The following KCNH8 variants were observed in gnomAD, a reference collection of about 807,000 sequenced individuals.
The protein encoded by KCNH8 is voltage-gated delayed rectifier potassium channel KCNH8.
Under a neutral mutation model 103.6 loss-of-function variants are expected in KCNH8, and 70 were observed. That is an observed-to-expected ratio of 0.68 (90% CI 0.56 to 0.82). KCNH8 has a LOEUF of 0.82. KCNH8 is among the 40% of genes least tolerant of loss of function. KCNH8 has a pLI of 0.00. For missense variants in KCNH8, 1,217 were observed against 1,329.9 expected (o/e 0.92, Z 1.32); for synonymous variants, 498 against 489.4 (o/e 1.02, Z -0.23).
intron 15 of KCNH8, among the ~76,000 whole-genome samples, chr3:19,527,057 A>G (rs989323214): frequency 2.0e-5 from 3 of 151,926 alleles, no homozygotes; most frequent in African/African-American, 4.8e-5. Context: ...ATTTTGGCTC[A>G]CACATCCTTT....
intron 7 of KCNH8, among the ~76,000 whole-genome samples, chr3:19,418,320 A>G (rs532450850): frequency 1.3e-5 from 2 of 152,354 alleles, no homozygotes; most frequent in East Asian, 3.9e-4. Flanking sequence ...TGGATGAAGC[A>G]GGTCAGATAT....
chr3:19,290,984 G>T (rs2064913662), intron 3 of KCNH8, among the ~76,000 whole-genome samples: 1 of 152,180 alleles, frequency 6.6e-6, no homozygotes, highest in African/African-American at 2.4e-5. Context: ...GAGTGTATGT[G>T]TCGAGGAATT....
At chr3:19,529,794 T>C (rs556963474) in intron 15 of KCNH8, among the ~76,000 whole-genome samples, 56 of 152,278 alleles carry the variant, frequency 3.7e-4, no homozygotes, top group African/African-American at 1.3e-3. Flanking sequence ...AATTCCCTCA[T>C]GCAACTTTAA....
Position 19,220,969 on chromosome 3 carries a change from G to A in KCNH8, c.77-32685G>A, listed in dbSNP as rs929114019. On this transcript the variant is annotated intron_variant, in intron 1 of 15. Coordinates refer to ENST00000328405, the MANE Select transcript of KCNH8 (RefSeq NM_144633.3). ...CCTAGTGGGAGCTTTACCATGTGCC[G>A]CAATCATTTTTGTTTGTAAAATTTT... Among the ~76,000 whole-genome samples the A allele has an allele frequency of 5.2e-4, 79 of 152,170 alleles. 1 individual carries two copies. Among genetic ancestry groups the A allele is most frequent in the Admixed American group, 5.2e-4 (8 of 15,294 alleles).
At chr3:19,405,221 C>T (rs956736722) in intron 7 of KCNH8, among the ~76,000 whole-genome samples, 7 of 151,750 alleles carry the variant, frequency 4.6e-5, no homozygotes, top group South Asian at 4.1e-4. Flanking sequence ...ACAGGTTGCA[C>T]GTATTTCTTA....
In KCNH8 at chr3:19,277,860, C is replaced by T. The variant is rs377116921; in HGVS notation, c.311-3338C>T. Among the ~76,000 whole-genome samples the T allele has an allele frequency of 1.1e-4, 16 of 152,160 alleles. 2 individuals are homozygous for T. The highest frequency in any genetic ancestry group is 5.8e-4 in the East Asian group (3 of 5,174). Reference sequence around the variant, plus strand: ...GAGCCTCATCTGTGTTGACACTCTCCAACCCACATGGTAATTACTGCTGCT... The same window carrying T: ...GAGCCTCATCTGTGTTGACACTCTCTAACCCACATGGTAATTACTGCTGCT... On this transcript the variant is annotated intron_variant, in intron 2 of 15. Transcript: ENST00000328405.
intron 7 of KCNH8, among the ~76,000 whole-genome samples, chr3:19,424,879 T>C (rs1033214975): frequency 2.4e-4 from 37 of 152,202 alleles, no homozygotes; most frequent in African/African-American, 8.9e-4. Context: ...TAAATGTGCA[T>C]TAATTTTTGC....
chr3:19,445,391 G>A (rs2067348495), intron 8 of KCNH8, among the ~76,000 whole-genome samples: 1 of 151,696 alleles, frequency 6.6e-6, no homozygotes, highest in Non-Finnish European at 1.5e-5. Context: ...ATTTATCTCG[G>A]GTGGTGGGAG....
At chr3:19,246,515 T>C (rs1355130249) in intron 1 of KCNH8, among the ~76,000 whole-genome samples, 1 of 152,036 alleles carries the variant, frequency 6.6e-6, no homozygotes, top group African/African-American at 2.4e-5. Context: ...GACCTCATGA[T>C]CCGCCTGACT....
intron 1 of KCNH8, among the ~76,000 whole-genome samples, chr3:19,196,532 A>G (rs1279485670): frequency 6.6e-6 from 1 of 151,872 alleles, no homozygotes; most frequent in Non-Finnish European, 1.5e-5. Flanking sequence ...TTATGTTTAT[A>G]TGGAGGTCTC....
chr3:19,149,467 A>G (rs1304153358), intron 1 of KCNH8, among the ~76,000 whole-genome samples: 4 of 151,378 alleles, frequency 2.6e-5, no homozygotes, highest in Non-Finnish European at 5.9e-5. Context: ...TTTTTTGAGT[A>G]CGAATATTAT....
intron 5 of KCNH8, among the ~76,000 whole-genome samples, chr3:19,366,910 GT>G (rs1416898388): frequency 1.3e-5 from 2 of 152,026 alleles, no homozygotes; most frequent in African/African-American, 4.8e-5. Context: ...CTGGCTACCT[GT>G]GTGTGGATGT....
At chr3:19,329,301 C>T (rs2065472302) in intron 3 of KCNH8, among the ~76,000 whole-genome samples, 1 of 152,288 alleles carries the variant, frequency 6.6e-6, no homozygotes, top group East Asian at 1.9e-4. Flanking sequence ...TTTCTATAAA[C>T]CTCACCTAAT....
intron 1 of KCNH8, among the ~76,000 whole-genome samples, chr3:19,221,161 A>G (rs1196738396): frequency 6.6e-6 from 1 of 152,240 alleles, no homozygotes; most frequent in Non-Finnish European, 1.5e-5. Context: ...TGAGCAGTAT[A>G]TACTTAAATA....
chr3:19,471,440 T>C (rs2067853973), intron 11 of KCNH8, among the ~76,000 whole-genome samples: 1 of 152,172 alleles, frequency 6.6e-6, no homozygotes. Flanking sequence ...TGAAGTGCAG[T>C]GTTTGCCCTC....
At chr3:19,489,072 C>CA (rs2068267839) in intron 11 of KCNH8, among the ~76,000 whole-genome samples, 1 of 152,164 alleles carries the variant, frequency 6.6e-6, no homozygotes, top group African/African-American at 2.4e-5. Context: ...CTCTCAGGGG[C>CA]ATTTGGATTC....
At chr3:19,291,000 A>G (rs1400560328) in intron 3 of KCNH8, among the ~76,000 whole-genome samples, 1 of 152,122 alleles carries the variant, frequency 6.6e-6, no homozygotes, top group Non-Finnish European at 1.5e-5. Flanking sequence ...GAATTTATCC[A>G]TTTCTTCCAG....
intron 1 of KCNH8, among the ~76,000 whole-genome samples, chr3:19,216,925 G>T (rs559864956): frequency 6.6e-6 from 1 of 152,326 alleles, no homozygotes; most frequent in East Asian, 1.9e-4. Flanking sequence ...AGATCAGGTT[G>T]AGCAATATGA....
In KCNH8 at chr3:19,450,134, C is replaced by T. The variant is rs144511102; in HGVS notation, c.1404C>T (p.Asn468=). The change falls in exon 9 of 16, where the codon AAC becomes AAT. Residue 468 remains asparagine (N), a synonymous_variant. Transcript: ENST00000328405. The part of the protein sequence containing the change: ...GALMHALVFG[N]VTAIIQRMYS... ...TGATGCACGCCTTGGTGTTTGGAAA[C>T]GTGACAGCAATCATACAGAGGATGT... is the stretch of plus-strand genomic sequence containing the variant. The T allele has an allele frequency of 1.8e-4, 288 of 1,613,488 alleles. No homozygotes were observed. In the African/African-American group the frequency reaches 3.0e-3, roughly 17 times the overall value.
Sources: allele counts gnomAD v4.1 joint callset (sites outside exome capture counted in the v4.1 genomes callset), GRCh38; gene constraint gnomAD v4.1.1; transcripts MANE v1.5; gene names NCBI Gene and HGNC (gene_info 2026-07-23, HGNC 2026-07-21).